Variants in SRPK2 observed in about 807,000 individuals in gnomAD.
The protein encoded by SRPK2 is SRSF protein kinase 2.
A neutral mutation model predicts 90.8 loss-of-function variants in SRPK2; 21 were observed. That is an observed-to-expected ratio of 0.23 (90% CI 0.16 to 0.33). The LOEUF (loss-of-function observed/expected upper bound fraction) is 0.33. Ranked by LOEUF, SRPK2 falls within the 10% of genes least tolerant of loss-of-function variation. The probability of loss-of-function intolerance (pLI) is 1.00; values close to 1 mark genes in which losing one functional copy is unlikely to be tolerated. For missense variants in SRPK2, 620 were observed against 869.0 expected, an observed-to-expected ratio of 0.71 and a Z score of 3.60; for synonymous variants, 288 against 311.1, an observed-to-expected ratio of 0.93 and a Z score of 0.78.
intron 2 of SRPK2, among the ~76,000 whole-genome samples, chr7:105,251,982 A>G (rs3735373): frequency 1.3e-5 from 2 of 152,332 alleles, no homozygotes; most frequent in East Asian, 3.9e-4. Context: ...GTTCGTCTAT[A>G]TTAATTTATC....
At chr7:105,314,706 G>A (rs1052963213) in intron 2 of SRPK2, among the ~76,000 whole-genome samples, 1 of 152,174 alleles carries the variant, frequency 6.6e-6, no homozygotes, top group South Asian at 2.1e-4. Context: ...TGTAAATGCC[G>A]GCTGACATAG....
At chr7:105,367,293 G>A (rs779377767) in intron 2 of SRPK2, among the ~76,000 whole-genome samples, 3 of 151,682 alleles carry the variant, frequency 2.0e-5, no homozygotes, top group South Asian at 2.1e-4. Context: ...GACAGGTTCC[G>A]GCTCTGTCAC....
intron 3 of SRPK2, among the ~76,000 whole-genome samples, chr7:105,194,829 T>C (rs1003677010): frequency 1.1e-4 from 16 of 152,106 alleles, no homozygotes; most frequent in Admixed American, 9.8e-4. Context: ...AGAGCAAGCA[T>C]TGACCAAAAG....
At chr7:105,172,176 G>A (rs1374979570) in intron 3 of SRPK2, among the ~76,000 whole-genome samples, 7 of 152,220 alleles carry the variant, frequency 4.6e-5, no homozygotes, top group African/African-American at 1.7e-4. Context: ...TTACAGGCAT[G>A]AGCCACTGCG....
chr7:105,273,521 A>G (rs1183544330), intron 2 of SRPK2, among the ~76,000 whole-genome samples: 3 of 151,128 alleles, frequency 2.0e-5, no homozygotes, highest in African/African-American at 7.3e-5. Context: ...TGCCTCCCAA[A>G]TTCAAGCGAT....
At chr7:105,270,261 CT>C (rs927240192) in intron 2 of SRPK2, among the ~76,000 whole-genome samples, 32 of 152,310 alleles carry the variant, frequency 2.1e-4, no homozygotes, top group African/African-American at 7.2e-4. Context: ...AGCACAGCGC[CT>C]ATAGCTGGGG....
chr7:105,387,118 G>A (rs868396351), intron 2 of SRPK2, among the ~76,000 whole-genome samples: 1 of 152,136 alleles, frequency 6.6e-6, no homozygotes, highest in Non-Finnish European at 1.5e-5. Flanking sequence ...GCACATATAC[G>A]TGTCTATTTG....
chr7:105,273,997 G>C (rs1158158460), intron 2 of SRPK2, among the ~76,000 whole-genome samples: 1 of 152,048 alleles, frequency 6.6e-6, no homozygotes, highest in Non-Finnish European at 1.5e-5. Flanking sequence ...AAATCTAAGG[G>C]GCAAAAAGAT....
intron 2 of SRPK2, among the ~76,000 whole-genome samples, chr7:105,374,614 T>C (rs1041797574): frequency 6.6e-6 from 1 of 152,216 alleles, no homozygotes; most frequent in Non-Finnish European, 1.5e-5. Flanking sequence ...AATATACATA[T>C]ATTTTTTTGA....
intron 2 of SRPK2, among the ~76,000 whole-genome samples, chr7:105,381,888 C>G (rs1220306446): frequency 6.6e-6 from 1 of 152,176 alleles, no homozygotes; most frequent in East Asian, 1.9e-4. Context: ...TCTCACCAAG[C>G]TGGGCACGGT....
At chr7:105,170,967 G>GAAAGAAAGAAAGAAAGAAAGAAGGAA (rs66735717) in intron 3 of SRPK2, among the ~76,000 whole-genome samples, 2 of 74,462 alleles carry the variant, frequency 2.7e-5, no homozygotes, top group East Asian at 1.1e-3. Context: ...AAGAAAGAAA[G>GAAAGAAAGAAAGAAAGAAAGAAGGAA]AGAAAGAAAG....
At chr7:105,168,323 G>A (rs1216540882) in intron 4 of SRPK2, among the ~76,000 whole-genome samples, 5 of 152,150 alleles carry the variant, frequency 3.3e-5, no homozygotes, top group Admixed American at 6.5e-5. Context: ...TTAAAATATC[G>A]TATAAAATTG....
intron 3 of SRPK2, among the ~76,000 whole-genome samples, chr7:105,188,100 T>C (rs371246754): frequency 3.4e-4 from 52 of 152,296 alleles, no homozygotes; most frequent in African/African-American, 1.2e-3. Flanking sequence ...ATATTCTCAA[T>C]AGCCAAAAGT....
chr7:105,312,358 T>C (rs1331064975), intron 2 of SRPK2, among the ~76,000 whole-genome samples: 1 of 141,490 alleles, frequency 7.1e-6, no homozygotes, highest in East Asian at 2.2e-4. Context: ...GAGAATCGTT[T>C]GAACCCAGGA....
intron 2 of SRPK2, among the ~76,000 whole-genome samples, chr7:105,352,166 T>C (rs187080560): frequency 2.0e-5 from 3 of 152,270 alleles, no homozygotes; most frequent in East Asian, 1.9e-4. Flanking sequence ...GCTTAGCTAG[T>C]GTGGTGGTTT....
intron 2 of SRPK2, among the ~76,000 whole-genome samples, chr7:105,279,376 G>C (rs1302136662): frequency 3.9e-5 from 6 of 152,156 alleles, no homozygotes; most frequent in Non-Finnish European, 5.9e-5. Context: ...ATTATTCCAA[G>C]CAAAATTTAT....
chr7:105,286,876 GATGTTTGTCACATTGCTGT>G (rs533565952), intron 2 of SRPK2, among the ~76,000 whole-genome samples: 70 of 152,304 alleles, frequency 4.6e-4, no homozygotes, highest in African/African-American at 1.7e-3. Flanking sequence ...ATCACACAAA[GATGTTTGTCACATTGCTGT>G]ATGCAACAGC....
intron 9 of SRPK2, among the ~76,000 whole-genome samples, chr7:105,144,934 C>T (rs1219659011): frequency 2.0e-5 from 3 of 151,840 alleles, no homozygotes; most frequent in African/African-American, 7.3e-5. Context: ...TGGTGAAACC[C>T]CTCTCTACTA....
At chr7:105,355,338 A>G (rs1013653474) in intron 2 of SRPK2, among the ~76,000 whole-genome samples, 4 of 152,026 alleles carry the variant, frequency 2.6e-5, no homozygotes, top group Non-Finnish European at 5.9e-5. Context: ...TCTACGAAAA[A>G]AAAAAAATTT....
Sources: gnomAD v4.1 joint callset for allele counts (sites outside exome capture counted in the v4.1 genomes callset) on GRCh38, gnomAD v4.1.1 for gene constraint, MANE v1.5 for transcripts, NCBI Gene and HGNC (gene_info 2026-07-23, HGNC 2026-07-21) for gene names.